The following FRMPD1 variants were observed in gnomAD, a reference collection of about 807,000 sequenced individuals.
The protein encoded by FRMPD1 is FERM and PDZ domain containing 1.
Under a neutral mutation model 117.8 loss-of-function variants are expected in FRMPD1, and 76 were observed. That is an observed-to-expected ratio of 0.65 (90% CI 0.54 to 0.78). The LOEUF (loss-of-function observed/expected upper bound fraction) is 0.78. Ranked by LOEUF, FRMPD1 falls within the 30% of genes least tolerant of loss-of-function variation. The pLI is 0.00. For missense variants in FRMPD1, 1,786 were observed against 1,964.5 expected, an observed-to-expected ratio of 0.91 and a Z score of 1.72; for synonymous variants, 783 against 770.4, an observed-to-expected ratio of 1.02 and a Z score of -0.27.
intron 1 of FRMPD1, among the ~76,000 whole-genome samples, chr9:37,679,002 G>A (rs1399543492): frequency 1.3e-5 from 2 of 152,288 alleles, no homozygotes; most frequent in Non-Finnish European, 2.9e-5. Context: ...TCTAATCTCG[G>A]TGCTCCCCTG....
chr9:37,622,314 A>G, the FRMPD1 span, among the ~76,000 whole-genome samples: 1 of 152,214 alleles, frequency 6.6e-6, no homozygotes, highest in African/African-American at 2.4e-5. Flanking sequence ...TTTTGCTTTA[A>G]TAGCCGCAAT....
chr9:37,724,547 C>G (rs999389437), intron 7 of FRMPD1, among the ~76,000 whole-genome samples: 2 of 151,906 alleles, frequency 1.3e-5, no homozygotes, highest in African/African-American at 4.8e-5. Flanking sequence ...GGGTGGGAAT[C>G]GGGACTTAGA....
At chr9:37,648,034 G>A (rs1210964264), upstream of FRMPD1, among the ~76,000 whole-genome samples, 6 of 152,120 alleles carry the variant, frequency 3.9e-5, no homozygotes, top group Admixed American at 2.6e-4. Context: ...AATCCTCACC[G>A]CATATAATGA....
rs937507688 is a variant in FRMPD1, at chr9:37,739,434, C to T, written c.1550-644C>T. Among the ~76,000 whole-genome samples, 4 of 152,218 alleles carry T rather than the reference C, an allele frequency of 2.6e-5. No homozygotes were observed. The East Asian group carries it at 7.7e-4, about 29-fold the overall frequency. ...GAGGCTTACAGGAATAAAGAGATTG[C>T]AACCTGGCTCAGTGCTCCCCAGCCT... On this transcript the variant is annotated intron_variant, in intron 14 of 15. Coordinates refer to ENST00000377765, the MANE Select transcript of FRMPD1 (RefSeq NM_014907.3).
chr9:37,656,236 T>G (rs1484481706), intron 1 of FRMPD1, among the ~76,000 whole-genome samples: 2 of 152,204 alleles, frequency 1.3e-5, no homozygotes, highest in Admixed American at 6.5e-5. Flanking sequence ...GCCAGAAACA[T>G]GAGGCTGATG....
At chr9:37,730,876 C>A in intron 8 of FRMPD1, 108 bp from the exon 9 acceptor site, 1 of 1,137,756 alleles carries the variant, frequency 8.8e-7, no homozygotes. Flanking sequence ...GAATTGAAAT[C>A]TCTGGGAACT....
At chr9:37,603,835 C>T in the FRMPD1 span, among the ~76,000 whole-genome samples, 4 of 152,154 alleles carry the variant, frequency 2.6e-5, no homozygotes, top group South Asian at 2.1e-4. Flanking sequence ...TGTGCCACCA[C>T]GCCCGGCTAA....
At chr9:37,713,674 T>A (rs1214642547) in intron 5 of FRMPD1, among the ~76,000 whole-genome samples, 1 of 151,710 alleles carries the variant, frequency 6.6e-6, no homozygotes. Flanking sequence ...CTATATATAG[T>A]GTGTGTGTGT....
chr9:37,634,060 C>T, the FRMPD1 span, among the ~76,000 whole-genome samples: 2 of 152,176 alleles, frequency 1.3e-5, no homozygotes, highest in Admixed American at 1.3e-4. Flanking sequence ...TTATTTGCCT[C>T]CACATTTCTA....
At chr9:37,646,119 C>T (rs1379188587), upstream of FRMPD1, among the ~76,000 whole-genome samples, 1 of 152,174 alleles carries the variant, frequency 6.6e-6, no homozygotes. Context: ...ATAACCCTCT[C>T]GCAGTACTCC....
At chr9:37,618,870 C>T in the FRMPD1 span, among the ~76,000 whole-genome samples, 1 of 152,226 alleles carries the variant, frequency 6.6e-6, no homozygotes, top group Non-Finnish European at 1.5e-5. Context: ...TGGCATTTGC[C>T]TCCTTTAGTG....
chr9:37,711,120 C>T (rs1822893138), intron 4 of FRMPD1, among the ~76,000 whole-genome samples: 1 of 152,032 alleles, frequency 6.6e-6, no homozygotes, highest in African/African-American at 2.4e-5. Flanking sequence ...AAATTCCCTC[C>T]AGGTGGGAGG....
chr9:37,739,135 G>T lies in FRMPD1; in HGVS notation c.1550-943G>T, dbSNP rs567369956. ...GGGGAGGTGTCAAGACCATCCTGTC[G>T]TGGGTACTAGACTGCAGAGGAGGGT... On this transcript the variant is annotated intron_variant, in intron 14 of 15. Coordinates refer to ENST00000377765, the MANE Select transcript of FRMPD1 (RefSeq NM_014907.3). Among the ~76,000 whole-genome samples, 3 of 152,290 alleles carry T rather than the reference G, an allele frequency of 2.0e-5. No individual in the cohort carries two copies. The East Asian group carries it at 5.8e-4, about 29-fold the overall frequency.
chr9:37,705,555 C>T (rs961190199), intron 2 of FRMPD1, among the ~76,000 whole-genome samples: 2 of 152,172 alleles, frequency 1.3e-5, no homozygotes, highest in Non-Finnish European at 2.9e-5. Context: ...CCTCAGCTTC[C>T]CTAAGTGCTG....
intron 2 of FRMPD1, among the ~76,000 whole-genome samples, chr9:37,695,446 T>C (rs1563935586): frequency 6.6e-6 from 1 of 152,192 alleles, no homozygotes; most frequent in Non-Finnish European, 1.5e-5. Context: ...AGTTTTGCTT[T>C]CCAAGTGCTT....
At chr9:37,634,300 C>A in the FRMPD1 span, among the ~76,000 whole-genome samples, 4 of 152,102 alleles carry the variant, frequency 2.6e-5, no homozygotes, top group Non-Finnish European at 4.4e-5. Flanking sequence ...CACTGCTATG[C>A]CAAGAAGTAC....
chr9:37,711,475 A>T, intron 5 of FRMPD1, 80 bp downstream of exon 5: 2 of 1,101,996 alleles, frequency 1.8e-6, no homozygotes, highest in East Asian at 4.7e-5. Context: ...GATATCCCTC[A>T]TAAAGTAAGC....
At chr9:37,682,982 C>G (rs1563929533) in intron 1 of FRMPD1, among the ~76,000 whole-genome samples, 1 of 152,162 alleles carries the variant, frequency 6.6e-6, no homozygotes, top group Non-Finnish European at 1.5e-5. Context: ...CTGTCTAATT[C>G]TAGGACACTT....
the FRMPD1 span, among the ~76,000 whole-genome samples, chr9:37,617,601 C>T: frequency 1.4e-4 from 22 of 152,312 alleles, no homozygotes; most frequent in African/African-American, 4.3e-4. Flanking sequence ...AGTTCATGAT[C>T]CCAATCCAAT....
Sources: allele counts gnomAD v4.1 joint callset (sites outside exome capture counted in the v4.1 genomes callset), GRCh38; gene constraint gnomAD v4.1.1; transcripts MANE v1.5; gene names NCBI Gene and HGNC (gene_info 2026-07-23, HGNC 2026-07-21).